SYN1: variants seen among roughly 807,000 people sequenced by gnomAD.
The protein encoded by SYN1 is synapsin-1.
In SYN1, 8 loss-of-function variants were observed where a neutral mutation model predicts 44.6. That is an observed-to-expected ratio of 0.18 (90% confidence interval 0.11 to 0.32). The LOEUF (loss-of-function observed/expected upper bound fraction) is 0.32. SYN1 is among the 10% of genes least tolerant of loss of function. The probability of loss-of-function intolerance (pLI) is 1.00; values close to 1 mark genes in which losing one functional copy is unlikely to be tolerated. For synonymous variants in SYN1, 275 were observed against 280.1 expected, an observed-to-expected ratio of 0.98 and a Z score of 0.18; for missense variants, 451 against 639.4, an observed-to-expected ratio of 0.71 and a Z score of 3.18.
At position 47,582,015 on chromosome X, in the gene SYN1, G is replaced by C. The variant is rs577660226; in HGVS notation, c.775-4514C>G. Among the ~76,000 whole-genome samples the C allele has an allele frequency of 5.4e-4, 61 of 112,774 alleles. 1 individual carries two copies. In the South Asian group the frequency reaches 0.022, roughly 40 times the overall value. Reference sequence around the variant, plus strand: ...AGCATGTCAGACATACAAAACAAGGGATTTTTGTGTGCTTGGCACACAGTA... The same window carrying C: ...AGCATGTCAGACATACAAAACAAGGCATTTTTGTGTGCTTGGCACACAGTA... On this transcript the variant is annotated intron_variant, in intron 5 of 12. Coordinates refer to ENST00000295987, the MANE Select transcript of SYN1 (RefSeq NM_006950.3).
intron 5 of SYN1, among the ~76,000 whole-genome samples, chrX:47,588,620 C>T (rs953846751): frequency 8.9e-6 from 1 of 112,407 alleles, no homozygotes; most frequent in African/African-American, 3.2e-5. Context: ...CTACCTCCAC[C>T]AGAGACCTGG....
Position 47,619,757 on chromosome X carries a change from G to C in SYN1, c.-29C>G. The C allele has an allele frequency of 8.7e-7, 1 of 1,154,664 alleles. No homozygotes were observed. On this transcript the variant is annotated 5_prime_UTR_variant, in exon 1 of 13. Transcript: ENST00000295987. Reference sequence around the variant, plus strand: ...TGCGACTTGGGGCAGGGGGTCCTAGGGGTGGTCTGGCCAGGAGCCGCGGGG... The same window carrying C: ...TGCGACTTGGGGCAGGGGGTCCTAGCGGTGGTCTGGCCAGGAGCCGCGGGG...
intron 5 of SYN1, among the ~76,000 whole-genome samples, chrX:47,602,072 G>A (rs2057881382): frequency 8.9e-6 from 1 of 112,527 alleles, no homozygotes; most frequent in Non-Finnish European, 1.9e-5. Context: ...TGAGGTAGCA[G>A]TTAATATATG....
chrX:47,604,935 T>G (rs2057891770), intron 5 of SYN1, 43 bp downstream of exon 5: 7 of 1,086,698 alleles, frequency 6.4e-6, no homozygotes, highest in African/African-American at 3.7e-5. Flanking sequence ...TTGCAGTAGT[T>G]ATGACTCTTC....
chrX:47,618,605 C>A (rs901854420), intron 1 of SYN1, among the ~76,000 whole-genome samples: 1 of 110,872 alleles, frequency 9.0e-6, no homozygotes, highest in Non-Finnish European at 1.9e-5. Context: ...ACGTATCAGG[C>A]ACTTAACAAA....
At chrX:47,592,024 T>C (rs181049514) in intron 5 of SYN1, among the ~76,000 whole-genome samples, 1 of 111,768 alleles carries the variant, frequency 8.9e-6, no homozygotes, top group African/African-American at 3.2e-5. Flanking sequence ...TATTCATGGG[T>C]CAGCATCACA....
chrX:47,618,738 G>T (rs1355013563), intron 1 of SYN1, among the ~76,000 whole-genome samples: 1 of 111,416 alleles, frequency 9.0e-6, no homozygotes, highest in African/African-American at 3.3e-5. Flanking sequence ...GAGAAGCTGG[G>T]GTGGGATACA....
chrX:47,577,873 G>T (rs6609532), intron 5 of SYN1, among the ~76,000 whole-genome samples: 17,342 of 104,764 alleles, frequency 0.17, 1,502 homozygotes, highest in East Asian at 0.45. Flanking sequence ...GTGTGTGGGG[G>T]TGGGGGGGGT....
At chrX:47,600,778 A>C (rs2057877442) in intron 5 of SYN1, among the ~76,000 whole-genome samples, 1 of 112,225 alleles carries the variant, frequency 8.9e-6, no homozygotes. Flanking sequence ...ACACTCCTAA[A>C]TAACCAATAG....
intron 5 of SYN1, chrX:47,585,876 A>C (rs1302189153): frequency 1.8e-6 from 2 of 1,138,165 alleles, no homozygotes; most frequent in Non-Finnish European, 2.3e-6. Flanking sequence ...TGTGTCCAAT[A>C]CCGTGTGATC....
Position 47,572,931 on chromosome X carries a change from T to G in SYN1, c.2051A>C (p.Gln684Pro), listed in dbSNP as rs1156384787. 8.3e-7 allele frequency: 1 copy of G among 1,211,694 alleles called. No homozygotes were observed. The highest frequency in any genetic ancestry group is 2.2e-5 in the Admixed American group (1 of 46,045). Residue 684 changes from glutamine to proline, a missense_variant, in exon 13 of 13, where the codon CAG becomes CCG. Gln to Pro is a moderately conservative substitution (Grantham distance 76). Transcript: ENST00000295987. Reference sequence around the variant, plus strand: ...GATGGTCTCAGCTTTCACCTCGTCCTGGCTAAGGCTGGGCCTGGGCGGGGC... The same window carrying G: ...GATGGTCTCAGCTTTCACCTCGTCCGGGCTAAGGCTGGGCCTGGGCGGGGC... ...EPAPPRPSLS[Q>P]DEVKAETIRS...
At chrX:47,603,393 C>T (rs1054517031) in intron 5 of SYN1, among the ~76,000 whole-genome samples, 8 of 110,791 alleles carry the variant, frequency 7.2e-5, no homozygotes, top group Non-Finnish European at 1.3e-4. Context: ...AATGGGGTCT[C>T]GCTATGTTGC....
rs2057941844 is a variant in SYN1, at chrX:47,619,588, C to G, written c.141G>C (p.Gly47=). Residue 47 remains glycine (G), a synonymous_variant, in exon 1 of 13, where the codon GGG becomes GGC. Transcript: ENST00000295987. The part of the protein sequence containing the change: ...AHSPGATPGP[G]TATAERSSGV... ...CGGAGGACCTCTCGGCAGTGGCGGT[C>G]CCGGGACCGGGCGTGGCTCCGGGGC... is the stretch of plus-strand genomic sequence containing the variant. The G allele has an allele frequency of 4.3e-6, 5 of 1,161,923 alleles. No individual in the cohort carries two copies. Among genetic ancestry groups the G allele is most frequent in the Non-Finnish European group, 5.7e-6 (5 of 869,928 alleles).
At chrX:47,578,146 G>A (rs946705742) in intron 5 of SYN1, among the ~76,000 whole-genome samples, 17 of 110,585 alleles carry the variant, frequency 1.5e-4, no homozygotes, top group Admixed American at 1.2e-3. Context: ...CTCCAGGGCA[G>A]CACACACTGG....
intron 11 of SYN1, 45 bp downstream of exon 11, chrX:47,574,643 T>C (rs2057771661): frequency 8.8e-7 from 1 of 1,137,413 alleles, no homozygotes; most frequent in Non-Finnish European, 1.2e-6. Flanking sequence ...GGGTAAGAGA[T>C]GGCGGGCTGA....
intron 6 of SYN1, 92 bp downstream of exon 6, chrX:47,577,347 A>G: frequency 1.0e-6 from 1 of 982,448 alleles, no homozygotes; most frequent in Non-Finnish European, 1.4e-6. Context: ...CCTGATAGAT[A>G]ACGACACCCC....
At chrX:47,574,884 G>A (rs1024003166) in intron 10 of SYN1, 109 bp from the exon 11 acceptor site, 24 of 859,778 alleles carry the variant, frequency 2.8e-5, no homozygotes, top group Middle Eastern at 3.9e-4. Context: ...CCCACTTGTG[G>A]CTGAGCTGAG....
At chrX:47,617,189 G>T (rs2057933817) in intron 1 of SYN1, among the ~76,000 whole-genome samples, 1 of 111,204 alleles carries the variant, frequency 9.0e-6, no homozygotes, top group South Asian at 3.8e-4. Context: ...GGAGAGAAAG[G>T]CTACTCGGTA....
intron 5 of SYN1, among the ~76,000 whole-genome samples, chrX:47,584,433 G>T (rs1219955903): frequency 1.9e-4 from 21 of 111,925 alleles, no homozygotes; most frequent in Admixed American, 1.7e-3. Flanking sequence ...ACAAGGAAGT[G>T]CACAGATGGG....
Sources: allele counts gnomAD v4.1 joint callset (sites outside exome capture counted in the v4.1 genomes callset), GRCh38; gene constraint gnomAD v4.1.1; transcripts MANE v1.5; gene names NCBI Gene and HGNC (gene_info 2026-07-23, HGNC 2026-07-21).